Variants in CAMK4 observed in about 807,000 individuals in gnomAD.
The protein encoded by CAMK4 is calcium/calmodulin dependent protein kinase IV.
Under a neutral mutation model 44.9 loss-of-function variants are expected in CAMK4, and 22 were observed. The observed-to-expected ratio is 0.49, with a 90% CI of 0.35 to 0.70. The LOEUF (loss-of-function observed/expected upper bound fraction) is 0.70. Among genes scored for constraint, CAMK4 ranks in the 30% least tolerant of loss-of-function variants. The pLI, the probability that CAMK4 is intolerant of heterozygous loss-of-function variation, is 0.01. For missense variants in CAMK4, 498 were observed against 586.8 expected, an observed-to-expected ratio of 0.85 and a Z score of 1.56; for synonymous variants, 218 against 215.4, an observed-to-expected ratio of 1.01 and a Z score of -0.11.
intron 1 of CAMK4, among the ~76,000 whole-genome samples, chr5:111,229,712 A>G (rs1580452339): frequency 6.6e-6 from 1 of 152,178 alleles, no homozygotes; most frequent in East Asian, 1.9e-4. Context: ...TAGAAGCTCC[A>G]GCTCTTGGGG....
intron 5 of CAMK4, among the ~76,000 whole-genome samples, chr5:111,429,243 C>T (rs1009733102): frequency 3.3e-5 from 5 of 151,722 alleles, no homozygotes; most frequent in African/African-American, 1.2e-4. Context: ...AAATCTTTTG[C>T]CAGACTAAGA....
chr5:111,411,388 T>A (rs972052446), intron 5 of CAMK4, among the ~76,000 whole-genome samples: 3 of 152,232 alleles, frequency 2.0e-5, no homozygotes, highest in Admixed American at 2.0e-4. Context: ...TAGGTTGGGC[T>A]AAAGGCAGCA....
intron 2 of CAMK4, among the ~76,000 whole-genome samples, chr5:111,368,536 C>G (rs1253550776): frequency 3.3e-5 from 5 of 152,118 alleles, no homozygotes; most frequent in Admixed American, 2.6e-4. Flanking sequence ...GAGAGTATGG[C>G]TATTTAAGAA....
At chr5:111,274,398 C>A (rs1293721287) in intron 1 of CAMK4, among the ~76,000 whole-genome samples, 4 of 152,042 alleles carry the variant, frequency 2.6e-5, no homozygotes, top group Non-Finnish European at 5.9e-5. Context: ...CTAATACATC[C>A]CCAAGGCCTT....
intron 7 of CAMK4, among the ~76,000 whole-genome samples, chr5:111,457,745 A>G (rs768637255): frequency 6.6e-6 from 1 of 152,232 alleles, no homozygotes; most frequent in African/African-American, 2.4e-5. Context: ...AACTTTTAGT[A>G]TAGTTTCACA....
chr5:111,314,856 G>T (rs77881496), intron 1 of CAMK4, among the ~76,000 whole-genome samples: 1 of 151,916 alleles, frequency 6.6e-6, no homozygotes, highest in Non-Finnish European at 1.5e-5. Context: ...AACTACAAAG[G>T]CTTTCTTAAT....
At chr5:111,419,752 G>A (rs1399557563) in intron 5 of CAMK4, among the ~76,000 whole-genome samples, 1 of 152,112 alleles carries the variant, frequency 6.6e-6, no homozygotes, top group Non-Finnish European at 1.5e-5. Flanking sequence ...TCAGATGGTT[G>A]TAGATATGCG....
intron 8 of CAMK4, among the ~76,000 whole-genome samples, chr5:111,473,706 CTT>C (rs1755144478): frequency 6.6e-6 from 1 of 152,132 alleles, no homozygotes; most frequent in Non-Finnish European, 1.5e-5. Context: ...TAAACTTGCT[CTT>C]GTTTTACTTA....
chr5:111,403,657 A>G (rs1197019180), intron 5 of CAMK4, among the ~76,000 whole-genome samples: 14 of 152,190 alleles, frequency 9.2e-5, no homozygotes, highest in Admixed American at 2.0e-4. Context: ...CTAGGGGCCC[A>G]ATCAGAGCAT....
intron 2 of CAMK4, among the ~76,000 whole-genome samples, chr5:111,347,538 T>C (rs1000217986): frequency 7.9e-5 from 12 of 151,994 alleles, no homozygotes; most frequent in Admixed American, 3.3e-4. Flanking sequence ...AAATTTTTCT[T>C]TTATCTCCAT....
chr5:111,443,200 C>T (rs1753886494), intron 5 of CAMK4, among the ~76,000 whole-genome samples: 1 of 140,406 alleles, frequency 7.1e-6, no homozygotes, highest in Non-Finnish European at 1.5e-5. Context: ...ATAGTGACTC[C>T]TGACATTTTA....
At chr5:111,400,777 C>G (rs780515280) in intron 5 of CAMK4, among the ~76,000 whole-genome samples, 2 of 152,182 alleles carry the variant, frequency 1.3e-5, no homozygotes, top group Non-Finnish European at 1.5e-5. Context: ...GAAATGAATT[C>G]CAGTGGTCCA....
chr5:111,224,240 G>A, upstream of CAMK4: 1 of 379,958 alleles, frequency 2.6e-6, no homozygotes, highest in Non-Finnish European at 4.5e-6. This position sits in a 1 kb window ranked among gnomAD's most constrained non-coding sequence, Gnocchi z 5.7. Context: ...TCTCCTCAGC[G>A]GTGCAGCTAG....
intron 1 of CAMK4, among the ~76,000 whole-genome samples, chr5:111,341,919 G>T (rs1749662459): frequency 6.6e-6 from 1 of 151,314 alleles, no homozygotes; most frequent in Non-Finnish European, 1.5e-5. Flanking sequence ...TATGACAACT[G>T]TTCTTTATTT....
chr5:111,474,901 A>G (rs567804495), intron 8 of CAMK4, among the ~76,000 whole-genome samples: 14 of 152,182 alleles, frequency 9.2e-5, no homozygotes, highest in Non-Finnish European at 2.1e-4. Flanking sequence ...AGTGGCTCAC[A>G]CCTGTAATCC....
At chr5:111,410,166 A>G (rs1214371436) in intron 5 of CAMK4, among the ~76,000 whole-genome samples, 1 of 152,202 alleles carries the variant, frequency 6.6e-6, no homozygotes, top group Non-Finnish European at 1.5e-5. Flanking sequence ...GCTGCTGATA[A>G]TGACATACCT....
At position 111,446,668 on chromosome 5, in the gene CAMK4, A is replaced by T. The variant is rs762933144; in HGVS notation, c.460-18A>T. The stretch of plus-strand genomic sequence containing the variant: ...AATAGCATTACACAAATGTTATTTC[A>T]TTATTTTCCCTCTTTAGTATCTACA... On this transcript the variant is annotated intron_variant, in intron 5 of 10. Transcript: ENST00000282356. 7.6e-7 allele frequency: 1 copy of T among 1,312,040 alleles called. No homozygotes were observed. The highest frequency in any genetic ancestry group is 1.1e-6 in the Non-Finnish European group (1 of 920,344). The allele number at this position is 1,312,040 out of a possible 1,614,324, so 81.3% of individuals were successfully genotyped here. A position where few individuals can be genotyped will look rare whatever the true frequency, so the allele number is the denominator to read the frequency against.
intron 4 of CAMK4, among the ~76,000 whole-genome samples, chr5:111,392,363 A>G (rs1751833059): frequency 6.6e-6 from 1 of 152,088 alleles, no homozygotes. Flanking sequence ...CAACTCACTC[A>G]CAGTCATGAT....
chr5:111,316,818 C>T (rs1234005961), intron 1 of CAMK4, among the ~76,000 whole-genome samples: 1 of 152,054 alleles, frequency 6.6e-6, no homozygotes, highest in Non-Finnish European at 1.5e-5. Flanking sequence ...ATAGGAATAG[C>T]AACATTCTAA....
Sources: allele counts gnomAD v4.1 joint callset (sites outside exome capture counted in the v4.1 genomes callset), GRCh38; gene constraint gnomAD v4.1.1; non-coding constraint Gnocchi (gnomAD v3.1); transcripts MANE v1.5; gene names NCBI Gene and HGNC (gene_info 2026-07-23, HGNC 2026-07-21).